Variants in TTC16 observed in about 807,000 individuals in gnomAD.
TTC16 encodes tetratricopeptide repeat protein 16.
Under a neutral mutation model 80.4 loss-of-function variants are expected in TTC16, and 66 were observed. The ratio of observed to expected loss-of-function variants is 0.82; its 90% CI spans 0.67 to 1.01. The LOEUF is 1.01. Ranked by LOEUF, TTC16 falls within the 50% of genes least tolerant of loss-of-function variation. The pLI, the probability that TTC16 is intolerant of heterozygous loss-of-function variation, is 0.00. For synonymous variants in TTC16, 438 were observed against 451.3 expected (o/e 0.97, Z 0.37); for missense variants, 1,070 against 1,103.2 (o/e 0.97, Z 0.43).
At chr9:127,717,952 G>A (rs1453025146) in intron 4 of TTC16, among the ~76,000 whole-genome samples, 180 bp downstream of exon 4, 1 of 152,218 alleles carries the variant, frequency 6.6e-6, no homozygotes, top group Non-Finnish European at 1.5e-5. Context: ...AAGTTTGGCA[G>A]CATTTTCCAT....
At chr9:127,717,127 C>T (rs768616008) in intron 2 of TTC16, 111 bp downstream of exon 2, 2 of 1,403,580 alleles carry the variant, frequency 1.4e-6, no homozygotes, top group African/African-American at 1.4e-5. Flanking sequence ...ACTCAACTGT[C>T]TAATGGGGCT....
chr9:127,721,633 C>T (rs1843519670), intron 6 of TTC16, among the ~76,000 whole-genome samples: 1 of 152,154 alleles, frequency 6.6e-6, no homozygotes, highest in Admixed American at 6.5e-5. Context: ...ACCCTGGCAA[C>T]TCCTCCCTGT....
At position 127,724,303 on chromosome 9, in the gene TTC16, G is replaced by A; in HGVS notation, c.1056G>A (p.Leu352=). Residue 352 remains leucine (L), a synonymous_variant, in exon 8 of 14, where the codon CTG becomes CTA. Coordinates refer to ENST00000373289, the MANE Select transcript of TTC16 (RefSeq NM_144965.3). ...AGGGCGCCTACCAGGAGGGCGTGCT[G>A]CTGCTGAACAAGGCCCTCCGGGACG... ...YRQGAYQEGV[L]LLNKALRDEQ... 1 of 1,613,016 alleles carries A rather than the reference G, an allele frequency of 6.2e-7. No individual in the cohort carries two copies. The highest frequency in any genetic ancestry group is 8.5e-7 in the Non-Finnish European group (1 of 1,179,996).
Position 127,724,373 on chromosome 9 carries a change from C to G in TTC16, c.1117+9C>G. ...CTACATCAACCGAGGCGGTGCGCAG[C>G]GACCAGGGCACTGGGGAGGGGGGGT... On this transcript the variant is annotated intron_variant, in intron 8 of 13. Coordinates refer to ENST00000373289, the MANE Select transcript of TTC16 (RefSeq NM_144965.3). 6.2e-7 allele frequency: 1 copy of G among 1,610,450 alleles called. No homozygotes were observed. Among genetic ancestry groups the G allele is most frequent in the Non-Finnish European group, 8.5e-7 (1 of 1,178,756 alleles).
chr9:127,726,917 T>A, intron 10 of TTC16, 53 bp from the exon 11 acceptor site: 1 of 1,609,484 alleles, frequency 6.2e-7, no homozygotes, highest in Non-Finnish European at 8.5e-7. Context: ...CATCGTGCTG[T>A]CTGTCTGCTG....
At chr9:127,726,207 C>T in intron 9 of TTC16, 32 bp from the exon 10 acceptor site, 2 of 1,528,876 alleles carry the variant, frequency 1.3e-6, no homozygotes, top group Non-Finnish European at 1.8e-6. Context: ...TGGCCCAGCT[C>T]ATAGCAGCTT....
chr9:127,723,252 A>G lies in TTC16; in HGVS notation c.791A>G (p.Gln264Arg), dbSNP rs1164557048. ...ARQDAGILAV[Q>R]GKLQHALQRI... ...CAAGATGCGGGGATCCTGGCTGTGC[A>G]GGGCAAGCTGCAGCACGCACTGCAG... Residue 264 changes from glutamine to arginine, a missense_variant, in exon 7 of 14, where the codon CAG (glutamine) becomes CGG (arginine). By Grantham distance (43) the Gln-to-Arg change is conservative. Coordinates refer to ENST00000373289, the MANE Select transcript of TTC16 (RefSeq NM_144965.3). 1.9e-6 allele frequency: 3 copies of G among 1,612,918 alleles called. No individual in the cohort carries two copies. Among genetic ancestry groups the G allele is most frequent in the Non-Finnish European group, 2.5e-6 (3 of 1,180,026 alleles).
intron 6 of TTC16, among the ~76,000 whole-genome samples, chr9:127,720,816 T>C (rs1564380779): frequency 2.7e-4 from 6 of 22,274 alleles, no homozygotes; most frequent in Non-Finnish European, 3.8e-4. Flanking sequence ...CCCTCCTTCT[T>C]TCTTCCCTCC....
rs1372476183 is a variant in TTC16, at chr9:127,716,816, G to C, written c.19-28G>C. The stretch of plus-strand genomic sequence containing the variant: ...TGGGTGGGGGTCGTCTCGGGGGCCT[G>C]CTCCAGCTTGCTGTCCTTCGGTTCT... On this transcript the variant is annotated intron_variant, in intron 1 of 13. Coordinates refer to ENST00000373289, the MANE Select transcript of TTC16 (RefSeq NM_144965.3). The C allele has an allele frequency of 3.1e-6, 5 of 1,591,174 alleles. No homozygotes were observed. The South Asian group carries it at 5.5e-5, about 18-fold the overall frequency.
At chr9:127,720,420 G>GGGGCGGGGC in intron 6 of TTC16, 25 bp downstream of exon 6, 2 of 1,141,682 alleles carry the variant, frequency 1.8e-6, no homozygotes, top group Non-Finnish European at 2.7e-6. Context: ...GCGGGCAGGG[G>GGGGCGGGGC]CATGCCCCCC....
At position 127,730,675 on chromosome 9, in the gene TTC16, T is replaced by C; in HGVS notation, c.1892T>C (p.Ile631Thr). The change falls in exon 14 of 14, where the codon ATC becomes ACC. Residue 631 changes from isoleucine to threonine, a missense_variant. Coordinates refer to ENST00000373289, the MANE Select transcript of TTC16 (RefSeq NM_144965.3). ...TGTSETEMSA[I>T]CQEYRSTSAT... ...ACCTCAGAGACTGAGATGTCGGCTA[T>C]CTGCCAGGAATACAGGAGCACCTCA... is the stretch of plus-strand genomic sequence containing the variant. 1 of 1,613,136 alleles carries C rather than the reference T, an allele frequency of 6.2e-7. No homozygotes were observed. Among genetic ancestry groups the C allele is most frequent in the Non-Finnish European group, 8.5e-7 (1 of 1,180,022 alleles).
rs766399931 is a variant in TTC16 at position 127,729,601 on chromosome 9, A to G, written c.1785A>G (p.Ile595Met). ...EKKEEKKSEL[I>M]PSKVASLSDS... is the part of the protein sequence containing the mutation. ...CATAGGAGAAAAAATCAGAGCTCAT[A>G]CCTAGCAAGGTGGCGTCCCTGTCTG... The change falls in exon 13 of 14, where the codon ATA (isoleucine) becomes ATG (methionine). Residue 595 changes from isoleucine (I) to methionine (M), a missense_variant. Ile to Met is a conservative substitution (Grantham distance 10, BLOSUM62 1). Transcript: ENST00000373289. 3.7e-6 allele frequency: 6 copies of G among 1,613,774 alleles called. No homozygotes were observed. The highest frequency in any genetic ancestry group is 5.1e-6 in the Non-Finnish European group (6 of 1,179,972).
In TTC16 at chr9:127,717,357, T is replaced by C; in HGVS notation, c.215T>C (p.Leu72Ser). ...AGCTACTCCAGAGGCCAGCAGTGCTTGGAGCAGGCAGACTGGGAGACAGCT... is the reference window on the plus strand; with the variant it reads ...AGCTACTCCAGAGGCCAGCAGTGCTCGGAGCAGGCAGACTGGGAGACAGCT... ...REYYSRGQQC[L>S]EQADWETAVL... Residue 72 changes from leucine (L) to serine (S), a missense_variant, in exon 3 of 14, where the codon TTG (leucine) becomes TCG (serine). Transcript: ENST00000373289. 6.2e-7 allele frequency: 1 copy of C among 1,612,212 alleles called. No homozygotes were observed.
At chr9:127,727,498 T>C (rs373462412) in intron 12 of TTC16, 33 bp downstream of exon 12, 22 of 1,549,030 alleles carry the variant, frequency 1.4e-5, no homozygotes, top group African/African-American at 9.6e-5. Flanking sequence ...CTCGGAGCCC[T>C]TGGGGTCTGG....
At chr9:127,724,661 G>A in intron 8 of TTC16, 95 bp from the exon 9 acceptor site, 1 of 1,500,126 alleles carries the variant, frequency 6.7e-7, no homozygotes, top group Non-Finnish European at 8.9e-7. Context: ...TCAGCCACCA[G>A]TTTCAGGCCC....
In TTC16 at chr9:127,717,912, C is replaced by G. The variant is rs1393308706; in HGVS notation, c.426+140C>G. ...GTCCCCCCCGCTGCCCCTCTCACCT[C>G]CAAGGCTGGTTTACTGCCAGGGTTG... On this transcript the variant is annotated intron_variant, in intron 4 of 13. Coordinates refer to ENST00000373289, the MANE Select transcript of TTC16 (RefSeq NM_144965.3). 2.1e-5 allele frequency: 24 copies of G among 1,147,066 alleles called. No individual in the cohort carries two copies. In the Admixed American group the frequency reaches 6.8e-4, roughly 33 times the overall value. 71.1% of individuals were successfully genotyped at this position (1,147,066 alleles called of 1,614,324 possible).
Position 127,724,215 on chromosome 9 carries a change from T to A in TTC16, c.968T>A (p.Val323Glu). Residue 323 changes from valine (V) to glutamate (E), a missense_variant, in exon 8 of 14, where the codon GTG (valine) becomes GAG (glutamate). Val to Glu is a moderately radical substitution (Grantham distance 121). Coordinates refer to ENST00000373289, the MANE Select transcript of TTC16 (RefSeq NM_144965.3). The stretch of plus-strand genomic sequence containing the variant: ...GTGACCGAGGACCAGGAGGACATGG[T>A]GCGGCAGGCACAGCGCCAGCTGTTG... ...DMVTEDQEDMVRQAQRQLLLT... is the reference protein window; with the variant it reads ...DMVTEDQEDMERQAQRQLLLT... 6.2e-7 allele frequency: 1 copy of A among 1,613,106 alleles called. No homozygotes were observed. The highest frequency in any genetic ancestry group is 8.5e-7 in the Non-Finnish European group (1 of 1,180,010).
intron 9 of TTC16, 101 bp downstream of exon 9, chr9:127,724,998 T>G: frequency 1.5e-6 from 2 of 1,362,942 alleles, no homozygotes; most frequent in Non-Finnish European, 1.9e-6. Flanking sequence ...GCTGCTTCTC[T>G]CCTCGGGGGC....
Position 127,722,270 on chromosome 9 carries a change from T to G in TTC16, c.658-849T>G, listed in dbSNP as rs927839359. 6.6e-6 allele frequency among the ~76,000 whole-genome samples: 1 copy of G among 152,198 alleles called. No homozygotes were observed. Among genetic ancestry groups the G allele is most frequent in the Admixed American group, 6.5e-5 (1 of 15,280 alleles). On this transcript the variant is annotated intron_variant, in intron 6 of 13. Coordinates refer to ENST00000373289, the MANE Select transcript of TTC16 (RefSeq NM_144965.3). The surrounding 1 kb of genome is among the most constrained non-coding windows in gnomAD (Gnocchi z 4.2). ...TGCTGTCCACACCATCCCGTTCACC[T>G]GCCAGCCAGTCACCCCGCAGGGAAC...
Sources: gnomAD v4.1 joint callset for allele counts (sites outside exome capture counted in the v4.1 genomes callset) on GRCh38, gnomAD v4.1.1 for gene constraint, Gnocchi (gnomAD v3.1) non-coding constraint, MANE v1.5 for transcripts, NCBI Gene and HGNC (gene_info 2026-07-23, HGNC 2026-07-21) for gene names.